PHF21A: variants seen among roughly 807,000 people sequenced by gnomAD.
PHF21A encodes PHD finger protein 21A.
Under a neutral mutation model 82.5 loss-of-function variants are expected in PHF21A, and 11 were observed. That is an observed-to-expected ratio of 0.13 (90% CI 0.08 to 0.22). PHF21A has a LOEUF of 0.22. Among genes scored for constraint, PHF21A ranks in the 10% least tolerant of loss-of-function variants. The pLI is 1.00. For missense variants in PHF21A, 579 were observed against 837.8 expected (o/e 0.69, Z 3.81); for synonymous variants, 297 against 302.8 (o/e 0.98, Z 0.20).
chr11:46,109,050 T>C (rs1018210955), intron 1 of PHF21A, among the ~76,000 whole-genome samples: 68 of 152,322 alleles, frequency 4.5e-4, no homozygotes, highest in African/African-American at 1.6e-3. Flanking sequence ...AATGATACAC[T>C]GTAGCTGTGG....
intron 6 of PHF21A, among the ~76,000 whole-genome samples, chr11:46,042,075 A>T (rs2138802951): frequency 6.6e-6 from 1 of 152,224 alleles, no homozygotes; most frequent in African/African-American, 2.4e-5. Flanking sequence ...CTGGAACACA[A>T]CCATTGTCTA....
In PHF21A at chr11:45,934,231, G is replaced by A; in HGVS notation, c.1789-6C>T. On this transcript the variant is annotated splice_polypyrimidine_tract_variant and splice_region_variant and intron_variant, in intron 18 of 18. Transcript: ENST00000676320. Reference sequence around the variant, plus strand: ...TTCTTCATTTCCATGCATTTCTGCAGCAAATGACAAGGGCAGTGGCACTGA... The same window carrying A: ...TTCTTCATTTCCATGCATTTCTGCAACAAATGACAAGGGCAGTGGCACTGA... 6.2e-7 allele frequency: 1 copy of A among 1,610,622 alleles called. No individual in the cohort carries two copies. Among genetic ancestry groups the A allele is most frequent in the South Asian group, 1.1e-5 (1 of 90,940 alleles).
At chr11:45,954,447 T>C (rs988509244) in intron 10 of PHF21A, among the ~76,000 whole-genome samples, 2 of 152,146 alleles carry the variant, frequency 1.3e-5, no homozygotes, top group African/African-American at 2.4e-5. Context: ...ACATGGAATA[T>C]TAAAAATCTG....
intron 10 of PHF21A, among the ~76,000 whole-genome samples, chr11:45,958,903 G>C (rs1447795630): frequency 6.6e-6 from 1 of 152,086 alleles, no homozygotes; most frequent in Non-Finnish European, 1.5e-5. Flanking sequence ...GGGTAACACA[G>C]CAAGACCCTG....
chr11:46,036,132 T>C (rs2138546320), intron 6 of PHF21A, among the ~76,000 whole-genome samples: 2 of 152,326 alleles, frequency 1.3e-5, no homozygotes, highest in South Asian at 4.2e-4. Flanking sequence ...CAGAACATGA[T>C]GACTGAATTT....
At chr11:46,031,390 C>T (rs2095864044) in intron 6 of PHF21A, among the ~76,000 whole-genome samples, 1 of 152,090 alleles carries the variant, frequency 6.6e-6, no homozygotes, top group Non-Finnish European at 1.5e-5. Context: ...TATGTCACTT[C>T]CTTGGATAAA....
At chr11:46,047,538 T>G (rs928191271) in intron 6 of PHF21A, among the ~76,000 whole-genome samples, 5 of 151,990 alleles carry the variant, frequency 3.3e-5, no homozygotes. Context: ...ATTTTTCAGG[T>G]AAGGAAAGCA....
At chr11:46,049,011 T>C (rs1472978036) in intron 6 of PHF21A, among the ~76,000 whole-genome samples, 1 of 152,132 alleles carries the variant, frequency 6.6e-6, no homozygotes, top group Non-Finnish European at 1.5e-5. Flanking sequence ...TAGCTGTCTG[T>C]TAGGGAATGG....
chr11:46,049,174 TA>T (rs2096305280), intron 6 of PHF21A, among the ~76,000 whole-genome samples: 1 of 152,220 alleles, frequency 6.6e-6, no homozygotes, highest in Admixed American at 6.5e-5. Flanking sequence ...CAAGGCAATA[TA>T]AACAGCTTTT....
At chr11:45,950,630 T>C (rs1020517723) in intron 11 of PHF21A, among the ~76,000 whole-genome samples, 4 of 152,114 alleles carry the variant, frequency 2.6e-5, no homozygotes, top group Non-Finnish European at 1.5e-5. Context: ...GTTAGAAAGT[T>C]TGCTCTAGAG....
At chr11:45,937,874 C>G (rs2089454439) in intron 16 of PHF21A, among the ~76,000 whole-genome samples, 1 of 152,290 alleles carries the variant, frequency 6.6e-6, no homozygotes, top group South Asian at 2.1e-4. Flanking sequence ...TGGACCATTC[C>G]TAGAGAATGA....
chr11:45,935,570 GTA>G, intron 18 of PHF21A, 64 bp downstream of exon 18: 1 of 858,914 alleles, frequency 1.2e-6, no homozygotes, highest in Non-Finnish European at 2.0e-6. Flanking sequence ...GTACTGTTAC[GTA>G]TATTGGAAAG....
intron 6 of PHF21A, among the ~76,000 whole-genome samples, chr11:45,981,671 ATGAATGAAGAAAAAGAAG>A (rs1050691436): frequency 6.6e-6 from 1 of 152,052 alleles, no homozygotes; most frequent in Non-Finnish European, 1.5e-5. Context: ...AATATAGATT[ATGAATGAAGAAAAAGAAG>A]TGAATGAAGA....
At chr11:45,939,969 T>C (rs2090028184) in intron 15 of PHF21A, among the ~76,000 whole-genome samples, 1 of 151,782 alleles carries the variant, frequency 6.6e-6, no homozygotes, top group Admixed American at 6.6e-5. Context: ...TGCCAGAAGG[T>C]CTAATACAGA....
chr11:46,022,318 G>A (rs1280563227), intron 6 of PHF21A, among the ~76,000 whole-genome samples: 1 of 152,052 alleles, frequency 6.6e-6, no homozygotes, highest in Non-Finnish European at 1.5e-5. Context: ...AGCCAGGTAT[G>A]GTGGCTCACA....
At chr11:45,990,131 T>G (rs1393781857) in intron 6 of PHF21A, among the ~76,000 whole-genome samples, 1 of 152,148 alleles carries the variant, frequency 6.6e-6, no homozygotes, top group South Asian at 2.1e-4. Context: ...ATATTTACAG[T>G]CTTCACACCT....
Position 45,942,142 on chromosome 11 carries a change from C to T in PHF21A, c.1452+3698G>A, listed in dbSNP as rs141411613. Among the ~76,000 whole-genome samples the T allele has an allele frequency of 3.0e-4, 45 of 152,262 alleles. 3 individuals are homozygous for T. In the East Asian group the frequency reaches 8.7e-3, roughly 29 times the overall value. ...GAGAAGTCAATTATCTTAAAAATAC[C>T]TTCTGCTGAGTTTAACTTAGGGAGT... is the stretch of plus-strand genomic sequence containing the variant. On this transcript the variant is annotated intron_variant, in intron 15 of 18. Coordinates refer to ENST00000676320, the MANE Select transcript of PHF21A (RefSeq NM_001352027.3).
intron 6 of PHF21A, among the ~76,000 whole-genome samples, chr11:45,999,809 T>C (rs766579906): frequency 1.3e-5 from 2 of 152,226 alleles, no homozygotes; most frequent in Non-Finnish European, 2.9e-5. Context: ...GAGAAATTCA[T>C]CATGTTTCAT....
chr11:45,943,281 C>T (rs1277354281), intron 15 of PHF21A, among the ~76,000 whole-genome samples: 1 of 151,990 alleles, frequency 6.6e-6, no homozygotes, highest in Admixed American at 6.6e-5. Flanking sequence ...CACCAGTATG[C>T]CCGGCTAATT....
Sources: allele counts gnomAD v4.1 joint callset (sites outside exome capture counted in the v4.1 genomes callset), GRCh38; gene constraint gnomAD v4.1.1; transcripts MANE v1.5; gene names NCBI Gene and HGNC (gene_info 2026-07-23, HGNC 2026-07-21).